Variants in EYA4 observed in about 807,000 individuals in gnomAD.
The protein encoded by EYA4 is protein phosphatase EYA4.
EYA4 carries 31 observed loss-of-function variants against 87.9 expected under a neutral mutation model. That is an observed-to-expected ratio of 0.35 (90% CI 0.27 to 0.48). The LOEUF (loss-of-function observed/expected upper bound fraction) is 0.48, where lower values mean the gene tolerates loss of function less well. EYA4 is among the 20% of genes least tolerant of loss of function. EYA4 has a pLI of 0.99. For missense variants in EYA4, 678 were observed against 761.4 expected, an observed-to-expected ratio of 0.89 and a Z score of 1.29; for synonymous variants, 263 against 270.6, an observed-to-expected ratio of 0.97 and a Z score of 0.28.
At chr6:133,404,649 G>C (rs1788547773) in intron 3 of EYA4, among the ~76,000 whole-genome samples, 1 of 152,184 alleles carries the variant, frequency 6.6e-6, no homozygotes, top group Admixed American at 6.5e-5. Flanking sequence ...TTGTTGGCTT[G>C]AATAGTAAAG....
At chr6:133,286,835 AT>A (rs1778101595) in intron 2 of EYA4, among the ~76,000 whole-genome samples, 1 of 152,218 alleles carries the variant, frequency 6.6e-6, no homozygotes, top group African/African-American at 2.4e-5. Flanking sequence ...TTAGGAAAGA[AT>A]TAATCTAATT....
intron 3 of EYA4, among the ~76,000 whole-genome samples, chr6:133,416,199 G>A (rs978647259): frequency 2.0e-5 from 3 of 152,166 alleles, no homozygotes; most frequent in South Asian, 4.1e-4. Flanking sequence ...TATCAATAAT[G>A]GATTTGAAGA....
At chr6:133,380,767 G>GT (rs1431667952) in intron 2 of EYA4, among the ~76,000 whole-genome samples, 3 of 151,642 alleles carry the variant, frequency 2.0e-5, no homozygotes, top group Admixed American at 2.0e-4. Flanking sequence ...TTAATTTTAT[G>GT]TTTACATTTT....
chr6:133,499,242 C>T (rs1031521905), intron 13 of EYA4, among the ~76,000 whole-genome samples: 1 of 152,172 alleles, frequency 6.6e-6, no homozygotes, highest in Non-Finnish European at 1.5e-5. Flanking sequence ...CCTCCTATAG[C>T]CATCTCCTAA....
intron 2 of EYA4, among the ~76,000 whole-genome samples, chr6:133,279,055 A>G (rs772342297): frequency 6.6e-6 from 1 of 152,112 alleles, no homozygotes; most frequent in Non-Finnish European, 1.5e-5. Flanking sequence ...GAGGTGTTTT[A>G]TAATCCTATT....
chr6:133,453,054 T>G (rs1015753122), intron 5 of EYA4: 1 of 152,062 alleles, frequency 6.6e-6, no homozygotes, highest in African/African-American at 2.4e-5. Context: ...GTCCTGAAAA[T>G]TAAAAGCCCC....
chr6:133,429,654 T>C (rs1791006069), intron 3 of EYA4, among the ~76,000 whole-genome samples: 1 of 152,146 alleles, frequency 6.6e-6, no homozygotes, highest in African/African-American at 2.4e-5. Flanking sequence ...TTTTGTTTTG[T>C]TTTCATGATC....
In EYA4 at chr6:133,515,373, T is replaced by C. The variant is rs2128790112; in HGVS notation, c.1554T>C (p.Ile518=). The change falls in exon 17 of 20, where the codon ATT becomes ATC. Residue 518 remains isoleucine, a synonymous_variant. Transcript: ENST00000355286. The stretch of plus-strand genomic sequence containing the variant: ...CCTGGCTACAGTTAAGGGCAGAGAT[T>C]GAAGGTCTGACAGATTCCTGGCTAA... ...RDAWLQLRAE[I]EGLTDSWLTN... The C allele has an allele frequency of 3.1e-6, 5 of 1,613,988 alleles. No individual in the cohort carries two copies. Among genetic ancestry groups the C allele is most frequent in the Non-Finnish European group, 4.2e-6 (5 of 1,179,830 alleles).
chr6:133,480,953 AATGGGAGAGGTGGAAGGGAAG>A (rs1328292489), intron 11 of EYA4, among the ~76,000 whole-genome samples: 20 of 132,516 alleles, frequency 1.5e-4, no homozygotes, highest in African/African-American at 3.0e-4. Context: ...TGGAAGGGAA[AATGGGAGAGGTGGAAGGGAAG>A]ATGGGAGAGG....
At chr6:133,310,527 A>G (rs1780136696) in intron 2 of EYA4, among the ~76,000 whole-genome samples, 1 of 152,220 alleles carries the variant, frequency 6.6e-6, no homozygotes, top group Admixed American at 6.5e-5. Context: ...TGTAAAGAAA[A>G]ATGTATCATA....
At chr6:133,259,908 G>T (rs1210261108) in intron 1 of EYA4, among the ~76,000 whole-genome samples, 2 of 152,104 alleles carry the variant, frequency 1.3e-5, no homozygotes, top group Non-Finnish European at 2.9e-5. Context: ...TTTCTTTTAT[G>T]GGGATGGGCA....
chr6:133,314,367 G>A lies in EYA4; in HGVS notation c.33+39554G>A, dbSNP rs1780467302. 2.0e-5 allele frequency among the ~76,000 whole-genome samples: 3 copies of A among 152,192 alleles called. No individual in the cohort carries two copies. In the South Asian group the frequency reaches 6.2e-4, roughly 32 times the overall value. On this transcript the variant is annotated intron_variant, in intron 2 of 19. Transcript: ENST00000355286. The stretch of plus-strand genomic sequence containing the variant: ...TGATTTAGAAAGACCATTTAAATAT[G>A]TTCTTAAACCTAGTGACAAAATGTG...
At chr6:133,294,455 G>A (rs2128303428) in intron 2 of EYA4, among the ~76,000 whole-genome samples, 1 of 150,358 alleles carries the variant, frequency 6.7e-6, no homozygotes, top group South Asian at 2.1e-4. Flanking sequence ...TATAACTCCT[G>A]GGTTCAGGTG....
intron 2 of EYA4, among the ~76,000 whole-genome samples, chr6:133,292,108 A>G (rs564908838): frequency 2.6e-5 from 4 of 152,338 alleles, no homozygotes; most frequent in East Asian, 3.9e-4. Flanking sequence ...TCAGTGGTTA[A>G]GAGGCCTTTC....
intron 5 of EYA4, among the ~76,000 whole-genome samples, chr6:133,451,873 T>G (rs1037577391): frequency 4.6e-5 from 7 of 152,238 alleles, no homozygotes; most frequent in African/African-American, 1.7e-4. Flanking sequence ...GAATTTTTAC[T>G]GTAGAGATGA....
intron 2 of EYA4, among the ~76,000 whole-genome samples, chr6:133,302,396 T>A (rs980376513): frequency 6.6e-6 from 1 of 152,166 alleles, no homozygotes; most frequent in African/African-American, 2.4e-5. Context: ...GTGCCTGGGA[T>A]TTCAATCTAA....
intron 1 of EYA4, among the ~76,000 whole-genome samples, chr6:133,252,455 A>G (rs1774984385): frequency 6.6e-6 from 1 of 152,166 alleles, no homozygotes; most frequent in African/African-American, 2.4e-5. Flanking sequence ...CTCAGATCCA[A>G]ACTTTTAAGT....
intron 5 of EYA4, among the ~76,000 whole-genome samples, chr6:133,455,586 G>T (rs1793830225): frequency 6.6e-6 from 1 of 152,086 alleles, no homozygotes; most frequent in Admixed American, 6.6e-5. Flanking sequence ...ATGACTGACT[G>T]TTCTTTTTTG....
chr6:133,325,942 G>A (rs894103995), intron 2 of EYA4, among the ~76,000 whole-genome samples: 2 of 152,162 alleles, frequency 1.3e-5, no homozygotes, highest in African/African-American at 4.8e-5. Context: ...CCCGTCTTGG[G>A]GTTCGTTCTG....
Sources: gnomAD v4.1 joint callset for allele counts (sites outside exome capture counted in the v4.1 genomes callset) on GRCh38, gnomAD v4.1.1 for gene constraint, MANE v1.5 for transcripts, NCBI Gene and HGNC (gene_info 2026-07-23, HGNC 2026-07-21) for gene names.